The following AGMO variants were observed in gnomAD, a reference collection of about 807,000 sequenced individuals.
AGMO encodes glyceryl-ether monooxygenase.
A neutral mutation model predicts 60.2 loss-of-function variants in AGMO; 75 were observed. The ratio of observed to expected loss-of-function variants is 1.25; its 90% CI spans 1.03 to 1.51. AGMO has a LOEUF of 1.51. Ranked by LOEUF, AGMO falls within the 40% of genes most tolerant of loss-of-function variation. AGMO has a pLI of 0.00. For synonymous variants in AGMO, 261 were observed against 177.1 expected, an observed-to-expected ratio of 1.47 and a Z score of -3.76; for missense variants, 763 against 525.5, an observed-to-expected ratio of 1.45 and a Z score of -4.42.
intron 12 of AGMO, chr7:15,358,535 T>C: frequency 4.8e-6 from 2 of 417,010 alleles, no homozygotes; most frequent in South Asian, 3.6e-5. Flanking sequence ...CCTCCAGGGA[T>C]TCCCTTCTTA....
the AGMO span, among the ~76,000 whole-genome samples, chr7:15,157,544 G>A: frequency 2.3e-3 from 348 of 152,236 alleles, no homozygotes; most frequent in African/African-American, 7.1e-3. Flanking sequence ...AGGTCCTGGT[G>A]ATAAACAGTG....
At chr7:15,379,348 A>C (rs1783583865) in intron 10 of AGMO, among the ~76,000 whole-genome samples, 3 of 152,200 alleles carry the variant, frequency 2.0e-5, no homozygotes, top group South Asian at 2.1e-4. Flanking sequence ...GGAAAACATT[A>C]ATCAAGTAGA....
At chr7:15,412,653 G>A (rs944869335) in intron 5 of AGMO, among the ~76,000 whole-genome samples, 4 of 148,948 alleles carry the variant, frequency 2.7e-5, no homozygotes, top group South Asian at 2.1e-4. Context: ...CGTGAGAGGG[G>A]CTTTGTAAAC....
the AGMO span, among the ~76,000 whole-genome samples, chr7:15,127,801 GGTT>G: frequency 1.3e-5 from 2 of 151,894 alleles, no homozygotes; most frequent in Admixed American, 6.6e-5. Context: ...TTTATTCTGT[GGTT>G]GTAAATTTAA....
intron 10 of AGMO, among the ~76,000 whole-genome samples, chr7:15,370,334 T>C (rs1475983938): frequency 1.3e-5 from 2 of 152,226 alleles, no homozygotes; most frequent in Non-Finnish European, 1.5e-5. Context: ...TCCATGTCTT[T>C]GCTATTGTGA....
At chr7:15,382,475 T>C (rs1390238666) in intron 10 of AGMO, among the ~76,000 whole-genome samples, 1 of 152,130 alleles carries the variant, frequency 6.6e-6, no homozygotes, top group Non-Finnish European at 1.5e-5. Flanking sequence ...TCCTGAAAAA[T>C]GAGGCATGAA....
intron 3 of AGMO, among the ~76,000 whole-genome samples, chr7:15,521,884 A>T (rs565710304): frequency 6.6e-6 from 1 of 152,298 alleles, no homozygotes; most frequent in South Asian, 2.1e-4. Flanking sequence ...AGGGTATTCA[A>T]ATAGGAAGAG....
At chr7:15,528,293 A>G (rs1379392724) in intron 3 of AGMO, among the ~76,000 whole-genome samples, 2 of 152,176 alleles carry the variant, frequency 1.3e-5, no homozygotes, top group Non-Finnish European at 2.9e-5. Flanking sequence ...TAGTATTAGT[A>G]TAAGCATAAA....
In AGMO at chr7:15,429,943, C is replaced by T. The variant is rs145171638; in HGVS notation, c.513+1062G>A. Among the ~76,000 whole-genome samples, 24 of 152,000 alleles carry T rather than the reference C, an allele frequency of 1.6e-4. No individual in the cohort carries two copies. The East Asian group carries it at 3.9e-3, about 24-fold the overall frequency. ...ACATAAGTGAAAAACAATATGGAGG[C>T]ATGTAGAAGAGCATTTAGAATGCAG... On this transcript the variant is annotated intron_variant, in intron 4 of 12. Coordinates refer to ENST00000342526, the MANE Select transcript of AGMO (RefSeq NM_001004320.2).
At chr7:15,451,902 G>A (rs1485802564) in intron 3 of AGMO, among the ~76,000 whole-genome samples, 3 of 152,128 alleles carry the variant, frequency 2.0e-5, no homozygotes, top group Admixed American at 6.5e-5. Context: ...CTTACTTATT[G>A]GAACACGGTT....
intron 12 of AGMO, among the ~76,000 whole-genome samples, chr7:15,210,324 C>T (rs144377245): frequency 2.0e-5 from 3 of 152,278 alleles, no homozygotes; most frequent in East Asian, 3.9e-4. Flanking sequence ...ACATATGCTA[C>T]AATCTCCAGG....
chr7:15,523,454 T>C (rs963719507), intron 3 of AGMO, among the ~76,000 whole-genome samples: 2 of 152,146 alleles, frequency 1.3e-5, no homozygotes, highest in African/African-American at 4.8e-5. Flanking sequence ...CATGATAGAC[T>C]GGATAAAGAA....
intron 12 of AGMO, among the ~76,000 whole-genome samples, chr7:15,308,260 ACT>A (rs1470769628): frequency 1.3e-5 from 2 of 152,000 alleles, no homozygotes; most frequent in Non-Finnish European, 2.9e-5. Context: ...ATCCTTGGTT[ACT>A]CTCTGAATAT....
rs113818159 is a variant in AGMO at position 15,292,907 on chromosome 7, G to A, written c.1263+72607C>T. Among the ~76,000 whole-genome samples the A allele has an allele frequency of 1.3e-3, 196 of 151,284 alleles. 1 individual carries two copies. The highest frequency in any genetic ancestry group is 6.8e-3 in the Middle Eastern group (2 of 292). On this transcript the variant is annotated intron_variant, in intron 12 of 12. Coordinates refer to ENST00000342526, the MANE Select transcript of AGMO (RefSeq NM_001004320.2). ...CGAGTAGCTGGGATTACAAGCACCC[G>A]CCACCAAATCCAGCTAATTTTTTTT...
chr7:15,252,400 T>C lies in AGMO; in HGVS notation c.1264-51041A>G, dbSNP rs148149264. On this transcript the variant is annotated intron_variant, in intron 12 of 12. Transcript: ENST00000342526. ...TGACTTGTTTATAACAAATGGAATA[T>C]GGCAAAGGCTGCAGGATGTCAATTC... 7.4e-3 allele frequency among the ~76,000 whole-genome samples: 1,120 copies of C among 152,290 alleles called. 9 individuals carry two copies. The highest frequency in any genetic ancestry group is 0.025 in the African/African-American group (1,047 of 41,560).
intron 12 of AGMO, among the ~76,000 whole-genome samples, chr7:15,284,255 T>C (rs1784043567): frequency 6.6e-6 from 1 of 151,840 alleles, no homozygotes; most frequent in South Asian, 2.1e-4. Flanking sequence ...ATAAAATTGA[T>C]ACAGAAAAAC....
chr7:15,394,063 G>C (rs549438301), intron 6 of AGMO, 50 bp downstream of exon 6: 2 of 1,354,278 alleles, frequency 1.5e-6, no homozygotes, highest in African/African-American at 2.9e-5. Flanking sequence ...AAATAATAAT[G>C]CAATTTTTAG....
chr7:15,543,374 A>T (rs1784683353), intron 3 of AGMO, among the ~76,000 whole-genome samples: 1 of 152,126 alleles, frequency 6.6e-6, no homozygotes, highest in Non-Finnish European at 1.5e-5. Flanking sequence ...CTATAACAAA[A>T]CATTTCTTGG....
At chr7:15,347,269 C>T (rs940695093) in intron 12 of AGMO, among the ~76,000 whole-genome samples, 2 of 151,982 alleles carry the variant, frequency 1.3e-5, no homozygotes, top group African/African-American at 2.4e-5. Context: ...CTTCACTAAC[C>T]GTGTAACTGG....
Sources: gnomAD v4.1 joint callset for allele counts (sites outside exome capture counted in the v4.1 genomes callset) on GRCh38, gnomAD v4.1.1 for gene constraint, MANE v1.5 for transcripts, NCBI Gene and HGNC (gene_info 2026-07-23, HGNC 2026-07-21) for gene names.